Variants in RPS6KA1 observed in about 807,000 individuals in gnomAD.
The protein encoded by RPS6KA1 is ribosomal protein S6 kinase alpha-1.
RPS6KA1 carries 48 observed loss-of-function variants against 91.3 expected under a neutral mutation model. The ratio of observed to expected loss-of-function variants is 0.53; its 90% confidence interval spans 0.42 to 0.67. RPS6KA1 has a LOEUF of 0.67. Among genes scored for constraint, RPS6KA1 ranks in the 30% least tolerant of loss-of-function variants. The probability of loss-of-function intolerance (pLI) is 0.00; values close to 1 mark genes in which losing one functional copy is unlikely to be tolerated. For synonymous variants in RPS6KA1, 359 were observed against 384.7 expected (o/e 0.93, Z 0.78); for missense variants, 719 against 960.5 (o/e 0.75, Z 3.32).
intron 17 of RPS6KA1, among the ~76,000 whole-genome samples, chr1:26,569,576 G>A (rs1557515919): frequency 6.6e-6 from 1 of 152,156 alleles, no homozygotes; most frequent in Non-Finnish European, 1.5e-5. Flanking sequence ...CCTACTCCAC[G>A]GGCTCCACGG....
intron 4 of RPS6KA1, among the ~76,000 whole-genome samples, chr1:26,549,690 C>CTTTTTTTTTTTTTTTTTTTTTT: frequency 9.8e-6 from 1 of 101,916 alleles, no homozygotes; most frequent in Non-Finnish European, 1.9e-5. Context: ...AAAGCCTGTT[C>CTTTTTTTTTTTTTTTTTTTTTT]TTTTTTTTTT....
intron 6 of RPS6KA1, 98 bp from the exon 7 acceptor site, chr1:26,553,293 A>C: frequency 2.7e-6 from 2 of 752,416 alleles, no homozygotes; most frequent in Admixed American, 2.0e-5. Context: ...GGGTCCTCCC[A>C]GGGTGGCTCT....
At chr1:26,548,780 T>A (rs1341037042) in intron 4 of RPS6KA1, among the ~76,000 whole-genome samples, 3 of 149,378 alleles carry the variant, frequency 2.0e-5, no homozygotes, top group Admixed American at 1.3e-4. Flanking sequence ...GCCTGGGCGA[T>A]GAGAGCGAAA....
chr1:26,532,311 A>G (rs1237085130), intron 1 of RPS6KA1, among the ~76,000 whole-genome samples: 3 of 152,100 alleles, frequency 2.0e-5, no homozygotes, highest in African/African-American at 7.2e-5. Context: ...ATGTCACCCC[A>G]CTTTAATTCT....
intron 7 of RPS6KA1, 120 bp downstream of exon 7, chr1:26,553,617 T>G (rs2076073480): frequency 1.8e-6 from 1 of 569,140 alleles, no homozygotes; most frequent in Non-Finnish European, 3.2e-6. Context: ...TTGGGCAATC[T>G]GAGGGATGGG....
chr1:26,558,963 C>T lies in RPS6KA1; in HGVS notation c.1215+26C>T. The T allele has an allele frequency of 1.9e-6, 3 of 1,596,164 alleles. No homozygotes were observed. Among genetic ancestry groups the T allele is most frequent in the South Asian group, 1.1e-5 (1 of 90,492 alleles). ...GTGAGGGGGGCAGGGGGCTGCTGCT[C>T]CATTATCCTTTTCTAAAGAATGGCT... On this transcript the variant is annotated intron_variant, in intron 14 of 21. Coordinates refer to ENST00000374168, the MANE Select transcript of RPS6KA1 (RefSeq NM_002953.4). The surrounding 1 kb of genome is among the most constrained non-coding windows in gnomAD (Gnocchi z 4.0).
chr1:26,573,288 A>C lies in RPS6KA1; in HGVS notation c.2012A>C (p.Gln671Pro). ...HQRLTAKQVL[Q>P]HPWVTQKDKL... is the part of the protein sequence containing the mutation. ...CGCCTCACAGCTAAGCAGGTTCTGC[A>C]GCATCCATGGGTCACCCAGAAAGAC... The change falls in exon 21 of 22, where the codon CAG (glutamine) becomes CCG (proline). Residue 671 changes from glutamine (Q) to proline (P), a missense_variant. Gln to Pro is a moderately conservative substitution (Grantham distance 76, BLOSUM62 -1). This residue lies in a region of RPS6KA1 where 249 missense variants were observed against 323.1 expected (regional missense o/e 0.77). Coordinates refer to ENST00000374168, the MANE Select transcript of RPS6KA1 (RefSeq NM_002953.4). The C allele has an allele frequency of 6.2e-7, 1 of 1,614,200 alleles. No individual in the cohort carries two copies.
intron 2 of RPS6KA1, among the ~76,000 whole-genome samples, chr1:26,541,855 C>A (rs1413733963): frequency 6.6e-6 from 1 of 152,200 alleles, no homozygotes; most frequent in Non-Finnish European, 1.5e-5. Context: ...CTACAGCTGG[C>A]AGGGTGGGAA....
chr1:26,529,994 G>C lies in RPS6KA1; in HGVS notation c.63+11G>C. On this transcript the variant is annotated intron_variant, in intron 1 of 21. Coordinates refer to ENST00000374168, the MANE Select transcript of RPS6KA1 (RefSeq NM_002953.4). The surrounding 1 kb of genome is among the most constrained non-coding windows in gnomAD (Gnocchi z 4.2). ...CCTCTGGACCCGGAGGTGAGTGAGC[G>C]GGGCGGGGGACGGGCGCCCGCGGCC... The C allele has an allele frequency of 1.5e-6, 2 of 1,358,744 alleles. No homozygotes were observed. Among genetic ancestry groups the C allele is most frequent in the Middle Eastern group, 2.7e-4 (1 of 3,646 alleles). 84.2% of individuals were successfully genotyped at this position (1,358,744 alleles called of 1,614,324 possible). A position where few individuals can be genotyped will look rare whatever the true frequency, so the allele number is the denominator to read the frequency against.
Position 26,573,347 on chromosome 1 carries a change from C to G in RPS6KA1, c.2071C>G (p.Leu691Val). 2 of 1,614,206 alleles carry G rather than the reference C, an allele frequency of 1.2e-6. No homozygotes were observed. Among genetic ancestry groups the G allele is most frequent in the Non-Finnish European group, 1.7e-6 (2 of 1,180,018 alleles). The change falls in exon 21 of 22, where the codon CTA becomes GTA. Residue 691 changes from leucine (L) to valine (V), a missense_variant. Coordinates refer to ENST00000374168, the MANE Select transcript of RPS6KA1 (RefSeq NM_002953.4). Reference sequence around the variant, plus strand: ...CCAAAGCCAGCTGTCCCACCAGGACCTACAGCTTGTGAAGGTATGGCCACC... The same window carrying G: ...CCAAAGCCAGCTGTCCCACCAGGACGTACAGCTTGTGAAGGTATGGCCACC... ...LPQSQLSHQD[L>V]QLVKGAMAAT... is the part of the protein sequence containing the mutation.
chr1:26,549,696 T>C (rs1218717016), intron 4 of RPS6KA1, among the ~76,000 whole-genome samples: 1 of 147,912 alleles, frequency 6.8e-6, no homozygotes, highest in Non-Finnish European at 1.5e-5. Flanking sequence ...TGTTCTTTTT[T>C]TTTTTTTTTT....
At chr1:26,536,172 A>T (rs1349289161) in intron 1 of RPS6KA1, among the ~76,000 whole-genome samples, 1 of 151,118 alleles carries the variant, frequency 6.6e-6, no homozygotes, top group African/African-American at 2.4e-5. Flanking sequence ...AAAAAAAAAA[A>T]AAAAAGTGGT....
Position 26,574,005 on chromosome 1 carries a change from TACCCTTGGGG to T in RPS6KA1, c.2086-73_2086-64del. 1.3e-6 allele frequency: 2 copies of T among 1,535,444 alleles called. No individual in the cohort carries two copies. The highest frequency in any genetic ancestry group is 4.6e-5 in the East Asian group (2 of 43,774). On this transcript the variant is annotated intron_variant, in intron 21 of 21. Coordinates refer to ENST00000374168, the MANE Select transcript of RPS6KA1 (RefSeq NM_002953.4). The surrounding 1 kb of genome is among the most constrained non-coding windows in gnomAD (Gnocchi z 4.3). ...TGTGGAACACTGAGAGGGGCTGGCC[TACCCTTGGGG>T]CATGGATCCCCTCCCCGCTACATCT...
intron 17 of RPS6KA1, among the ~76,000 whole-genome samples, chr1:26,566,901 C>CT (rs935943758): frequency 6.6e-6 from 1 of 152,216 alleles, no homozygotes; most frequent in African/African-American, 2.4e-5. Flanking sequence ...TCACAGGTGC[C>CT]TAAATGCACA....
chr1:26,574,590 G>A lies in RPS6KA1; in HGVS notation c.*389G>A. ...GAGCAGCTTTGGGATCCCACCCTGG[G>A]GACCCCCACGATTGGCCACCTGTAG... is the stretch of plus-strand genomic sequence containing the variant. On this transcript the variant is annotated 3_prime_UTR_variant, in exon 22 of 22. Transcript: ENST00000374168. This position sits in a 1 kb window ranked among gnomAD's most constrained non-coding sequence, Gnocchi z 4.3. 2 of 400,282 alleles carry A rather than the reference G, an allele frequency of 5.0e-6. No homozygotes were observed. The highest frequency in any genetic ancestry group is 3.8e-5 in the South Asian group (2 of 52,804). 24.8% of individuals were successfully genotyped at this position (400,282 alleles called of 1,614,324 possible). A position where few individuals can be genotyped will look rare whatever the true frequency, so the allele number is the denominator to read the frequency against.
In RPS6KA1 at chr1:26,568,699, G is replaced by A. The variant is rs148940289; in HGVS notation, c.1591-2750G>A. Among the ~76,000 whole-genome samples the A allele has an allele frequency of 3.8e-3, 585 of 151,984 alleles. 4 individuals carry two copies. Among genetic ancestry groups the A allele is most frequent in the African/African-American group, 0.011 (473 of 41,436 alleles). Reference sequence around the variant, plus strand: ...TGGGAGGCAGAGGTTGCACTGAGCCGAGATCACGCCATTGCACTCCAGCCT... The same window carrying A: ...TGGGAGGCAGAGGTTGCACTGAGCCAAGATCACGCCATTGCACTCCAGCCT... On this transcript the variant is annotated intron_variant, in intron 17 of 21. Coordinates refer to ENST00000374168, the MANE Select transcript of RPS6KA1 (RefSeq NM_002953.4).
chr1:26,559,709 G>A (rs944418919), intron 14 of RPS6KA1, among the ~76,000 whole-genome samples: 3 of 151,932 alleles, frequency 2.0e-5, no homozygotes, highest in African/African-American at 4.8e-5. Flanking sequence ...TCCCTTCCTC[G>A]TGCCTCAGTT....
Position 26,561,120 on chromosome 1 carries a change from A to AT in RPS6KA1, c.1418dup (p.Thr474HisfsTer7). On this transcript the variant is annotated frameshift_variant, in exon 16 of 22. Transcript: ENST00000374168. LOFTEE classifies it high-confidence loss of function. The surrounding 1 kb of genome is among the most constrained non-coding windows in gnomAD (Gnocchi z 5.7). ...GCGGTATGGCCAGCACCCCAACATC[A>AT]TCACTCTGAAAGATGTGAGTGGGGG... 1 of 1,613,528 alleles carries AT rather than the reference A, an allele frequency of 6.2e-7. No individual in the cohort carries two copies. The highest frequency in any genetic ancestry group is 8.5e-7 in the Non-Finnish European group (1 of 1,179,536).
chr1:26,545,776 T>C (rs2075989013), intron 2 of RPS6KA1: 2 of 1,339,730 alleles, frequency 1.5e-6, no homozygotes, highest in Admixed American at 3.4e-5. Flanking sequence ...CCCTGAGTGA[T>C]TGGCTGCCCT....
Sources: gnomAD v4.1 joint callset for allele counts (sites outside exome capture counted in the v4.1 genomes callset) on GRCh38, gnomAD v4.1.1 for gene constraint, gnomAD v4.1.1 regional missense constraint, Gnocchi (gnomAD v3.1) non-coding constraint, MANE v1.5 for transcripts, NCBI Gene and HGNC (gene_info 2026-07-23, HGNC 2026-07-21) for gene names.